SYT9: variants seen among roughly 807,000 people sequenced by gnomAD.
SYT9 encodes the protein synaptotagmin-9.
SYT9 carries 22 observed loss-of-function variants against 48.4 expected under a neutral mutation model. That is an observed-to-expected ratio of 0.45 (90% CI 0.32 to 0.65). SYT9 has a LOEUF of 0.65. Ranked by LOEUF, SYT9 falls within the 30% of genes least tolerant of loss-of-function variation. The pLI is 0.03. For synonymous variants in SYT9, 265 were observed against 245.0 expected, an observed-to-expected ratio of 1.08 and a Z score of -0.76; for missense variants, 577 against 622.0, an observed-to-expected ratio of 0.93 and a Z score of 0.77.
chr11:7,428,959 T>C (rs1847516110), intron 6 of SYT9, among the ~76,000 whole-genome samples: 1 of 152,178 alleles, frequency 6.6e-6, no homozygotes, highest in African/African-American at 2.4e-5. Context: ...GTTGTAGTAA[T>C]GAAGACAATA....
intron 3 of SYT9, among the ~76,000 whole-genome samples, chr11:7,379,506 G>A (rs1194376673): frequency 6.6e-6 from 1 of 152,068 alleles, no homozygotes; most frequent in Non-Finnish European, 1.5e-5. Flanking sequence ...GTTTTAGACT[G>A]TGATAGAGAA....
At chr11:7,420,711 A>C in intron 6 of SYT9, 76 bp downstream of exon 6, 2 of 1,565,990 alleles carry the variant, frequency 1.3e-6, no homozygotes, top group Non-Finnish European at 1.8e-6. Flanking sequence ...GCTGCCAAAC[A>C]TATGAGTGCA....
intron 4 of SYT9, 152 bp downstream of exon 4, chr11:7,416,314 C>A (rs565015140): frequency 3.6e-6 from 3 of 824,266 alleles, no homozygotes; most frequent in Non-Finnish European, 5.7e-6. Context: ...TTGGGCAAGT[C>A]ATTTTACCTC....
intron 6 of SYT9, among the ~76,000 whole-genome samples, chr11:7,423,189 T>A (rs1196193914): frequency 2.6e-5 from 4 of 152,132 alleles, no homozygotes. Flanking sequence ...GGCTGCCTCT[T>A]CCCCGTTGCT....
At chr11:7,459,150 T>G (rs888608608) in intron 6 of SYT9, among the ~76,000 whole-genome samples, 1 of 152,254 alleles carries the variant, frequency 6.6e-6, no homozygotes, top group African/African-American at 2.4e-5. Context: ...CGTGGAAAGA[T>G]AGAGCTGCCA....
In SYT9 at chr11:7,298,833, G is replaced by A. The variant is rs74608105; in HGVS notation, c.146-4206G>A. ...TAGAAGAGGTTTCTGACAAACAGGCGTGATTACAGGGCATCTATGCCACAT... is the reference window on the plus strand; with the variant it reads ...TAGAAGAGGTTTCTGACAAACAGGCATGATTACAGGGCATCTATGCCACAT... On this transcript the variant is annotated intron_variant, in intron 1 of 6. Transcript: ENST00000318881. Among the ~76,000 whole-genome samples the A allele has an allele frequency of 1.1e-4, 17 of 152,170 alleles. No homozygotes were observed. In the East Asian group the frequency reaches 2.3e-3, roughly 21 times the overall value.
chr11:7,298,988 G>A (rs1161850657), intron 1 of SYT9, among the ~76,000 whole-genome samples: 2 of 152,030 alleles, frequency 1.3e-5, no homozygotes, highest in African/African-American at 4.8e-5. Context: ...TTCCTTGAGG[G>A]ACTATCTGGC....
chr11:7,314,655 T>TTCA (rs1430767052), intron 3 of SYT9, among the ~76,000 whole-genome samples: 1 of 152,232 alleles, frequency 6.6e-6, no homozygotes, highest in Non-Finnish European at 1.5e-5. Context: ...TTATATCCTT[T>TTCA]TCATTATCCT....
chr11:7,453,509 T>C (rs10769791), intron 6 of SYT9, among the ~76,000 whole-genome samples: 64,145 of 152,062 alleles, frequency 0.42, 16,263 homozygotes, highest in African/African-American at 0.71. Context: ...GGGACCCCTG[T>C]GCCGTGGAGG....
At chr11:7,385,879 A>C (rs1049816217) in intron 3 of SYT9, among the ~76,000 whole-genome samples, 2 of 152,162 alleles carry the variant, frequency 1.3e-5, no homozygotes, top group African/African-American at 4.8e-5. Context: ...GGCACTTTGC[A>C]TGTCCAAGTA....
chr11:7,358,537 A>C (rs1255828908), intron 3 of SYT9, among the ~76,000 whole-genome samples: 2 of 152,094 alleles, frequency 1.3e-5, no homozygotes. Context: ...TCTTAAAGGG[A>C]TGGTTCTAGT....
At chr11:7,412,559 A>G (rs7124004) in intron 3 of SYT9, among the ~76,000 whole-genome samples, 68,772 of 152,050 alleles carry the variant, frequency 0.45, 16,608 homozygotes, top group African/African-American at 0.6. Flanking sequence ...CCAGTGGTAC[A>G]GCAGTGGTCT....
chr11:7,257,123 G>A (rs1179333898), intron 1 of SYT9, among the ~76,000 whole-genome samples: 1 of 152,178 alleles, frequency 6.6e-6, no homozygotes, highest in Non-Finnish European at 1.5e-5. Flanking sequence ...CTAATGTGCA[G>A]CCAAGTAGAG....
chr11:7,250,460 C>G (rs1369640611), upstream of SYT9, among the ~76,000 whole-genome samples: 2 of 144,190 alleles, frequency 1.4e-5, no homozygotes, highest in Non-Finnish European at 3.0e-5. Flanking sequence ...CACCCCCCCC[C>G]AGCATCACAC....
intron 3 of SYT9, among the ~76,000 whole-genome samples, chr11:7,406,555 TATATA>T (rs1847017814): frequency 6.7e-6 from 1 of 148,948 alleles, no homozygotes; most frequent in Non-Finnish European, 1.5e-5. Context: ...TATATATATA[TATATA>T]TATATATAGC....
chr11:7,398,288 G>C (rs1589997421), intron 3 of SYT9, among the ~76,000 whole-genome samples: 1 of 151,982 alleles, frequency 6.6e-6, no homozygotes, highest in South Asian at 2.1e-4. Context: ...TACATTCCCA[G>C]AATAAATCTT....
chr11:7,351,159 C>T (rs1428781900), intron 3 of SYT9, among the ~76,000 whole-genome samples: 2 of 152,142 alleles, frequency 1.3e-5, no homozygotes, highest in African/African-American at 4.8e-5. Flanking sequence ...GTATATATTG[C>T]CTGTTTCTTA....
intron 5 of SYT9, among the ~76,000 whole-genome samples, chr11:7,419,530 G>A (rs896162007): frequency 4.5e-4 from 69 of 152,106 alleles, no homozygotes; most frequent in African/African-American, 1.5e-3. Flanking sequence ...AGTTATACCA[G>A]GGACTTTTTA....
At chr11:7,288,540 G>A (rs1044697679) in intron 1 of SYT9, among the ~76,000 whole-genome samples, 9 of 152,176 alleles carry the variant, frequency 5.9e-5, no homozygotes, top group Admixed American at 5.9e-4. Flanking sequence ...AGATAGGAAG[G>A]ACCTCTGTCC....
Sources: gnomAD v4.1 joint callset for allele counts (sites outside exome capture counted in the v4.1 genomes callset) on GRCh38, gnomAD v4.1.1 for gene constraint, MANE v1.5 for transcripts, NCBI Gene and HGNC (gene_info 2026-07-23, HGNC 2026-07-21) for gene names.